SORCS2: variants seen among roughly 807,000 people sequenced by gnomAD.
SORCS2 encodes VPS10 domain-containing receptor SorCS2.
SORCS2 carries 100 observed loss-of-function variants against 141.6 expected under a neutral mutation model. That is an observed-to-expected ratio of 0.71 (90% CI 0.60 to 0.83). SORCS2 has a LOEUF of 0.83. Ranked by LOEUF, SORCS2 falls within the 40% of genes least tolerant of loss-of-function variation. The pLI is 0.00. For missense variants in SORCS2, 1,646 were observed against 1,560.2 expected, an observed-to-expected ratio of 1.05 and a Z score of -0.93; for synonymous variants, 789 against 676.9, an observed-to-expected ratio of 1.17 and a Z score of -2.57.
chr4:7,500,719 G>C (rs559626327), intron 2 of SORCS2, among the ~76,000 whole-genome samples: 25 of 152,258 alleles, frequency 1.6e-4, no homozygotes, highest in African/African-American at 5.3e-4. Flanking sequence ...TACATCGCAC[G>C]TCGTCCAAGA....
chr4:7,329,727 T>C (rs1243282947), intron 1 of SORCS2, among the ~76,000 whole-genome samples: 1 of 152,202 alleles, frequency 6.6e-6, no homozygotes, highest in Non-Finnish European at 1.5e-5. Flanking sequence ...ATGGCTCAAC[T>C]TAACATGTTT....
chr4:7,341,329 C>T, intron 1 of SORCS2, among the ~76,000 whole-genome samples: 1 of 152,182 alleles, frequency 6.6e-6, no homozygotes, highest in East Asian at 1.9e-4. Flanking sequence ...TGTTCAAGGC[C>T]CAGCTCTAAG....
chr4:7,633,019 T>C (rs1488177108), intron 3 of SORCS2, among the ~76,000 whole-genome samples: 1 of 152,140 alleles, frequency 6.6e-6, no homozygotes, highest in Non-Finnish European at 1.5e-5. Context: ...CATGTATAAA[T>C]GAGAAGCATT....
intron 4 of SORCS2, among the ~76,000 whole-genome samples, chr4:7,650,212 C>T (rs1453406678): frequency 6.6e-6 from 1 of 152,192 alleles, no homozygotes; most frequent in East Asian, 1.9e-4. Flanking sequence ...TTGCTGCGAG[C>T]CTCCATCTTC....
intron 2 of SORCS2, among the ~76,000 whole-genome samples, chr4:7,479,281 T>G (rs1205266422): frequency 2.0e-5 from 3 of 151,648 alleles, no homozygotes; most frequent in Non-Finnish European, 4.4e-5. Context: ...TGAGCCTCAA[T>G]GTCTGGGCCT....
Position 7,536,842 on chromosome 4 carries a change from GGGC to G in SORCS2, c.648+5216_648+5218del, listed in dbSNP as rs201222056. Among the ~76,000 whole-genome samples the G allele has an allele frequency of 5.9e-3, 294 of 49,490 alleles. 3 individuals are homozygous for G. Among genetic ancestry groups the G allele is most frequent in the South Asian group, 0.034 (15 of 438 alleles). The allele number at this position is 49,490 out of a possible 152,430, so 32.5% of individuals were successfully genotyped here. On this transcript the variant is annotated intron_variant, in intron 3 of 26. Coordinates refer to ENST00000507866, the MANE Select transcript of SORCS2 (RefSeq NM_020777.3). The stretch of plus-strand genomic sequence containing the variant: ...CCCCATACTCAGATGTGGGGGGGGG[GGGC>G]GGGCAGGGCCCACCTCGAGGTCACC...
chr4:7,294,282 A>G (rs1388013157), intron 1 of SORCS2, among the ~76,000 whole-genome samples: 1 of 152,146 alleles, frequency 6.6e-6, no homozygotes, highest in Non-Finnish European at 1.5e-5. Flanking sequence ...AATAGAGGGT[A>G]AAACTGGGGC....
intron 2 of SORCS2, among the ~76,000 whole-genome samples, chr4:7,410,300 C>A (rs1349587311): frequency 6.6e-6 from 1 of 152,208 alleles, no homozygotes; most frequent in African/African-American, 2.4e-5. Flanking sequence ...ATGCTTTGCC[C>A]TTTGGTCATC....
chr4:7,325,540 C>T (rs1164307607), intron 1 of SORCS2, among the ~76,000 whole-genome samples: 1 of 152,182 alleles, frequency 6.6e-6, no homozygotes, highest in Admixed American at 6.5e-5. Flanking sequence ...TCACTGGGCA[C>T]CCTAAGGGCC....
chr4:7,480,442 G>A (rs1405053359), intron 2 of SORCS2, among the ~76,000 whole-genome samples: 1 of 151,802 alleles, frequency 6.6e-6, no homozygotes, highest in Non-Finnish European at 1.5e-5. Flanking sequence ...AGCCCGGGGG[G>A]TTGGAGGAAC....
At chr4:7,344,075 G>A (rs1350128454) in intron 1 of SORCS2, among the ~76,000 whole-genome samples, 1 of 152,244 alleles carries the variant, frequency 6.6e-6, no homozygotes, top group Admixed American at 6.5e-5. Context: ...TGACACGGGA[G>A]GTATGGGGTG....
intron 14 of SORCS2, among the ~76,000 whole-genome samples, chr4:7,704,868 A>G (rs1201512845): frequency 2.0e-5 from 3 of 152,122 alleles, no homozygotes; most frequent in Admixed American, 6.5e-5. Flanking sequence ...GCCCTCGAAC[A>G]TGGGCCCCTG....
chr4:7,685,053 T>A lies in SORCS2; in HGVS notation c.1488+2164T>A, dbSNP rs538285442. 1.5e-3 allele frequency among the ~76,000 whole-genome samples: 233 copies of A among 152,316 alleles called. 1 individual carries two copies. The highest frequency in any genetic ancestry group is 2.6e-3 in the Non-Finnish European group (180 of 68,030). ...CCTGCTGATAACACCTGTCGACCTG[T>A]GTGGAGAATTAATTACCAGCCCTTT... is the stretch of plus-strand genomic sequence containing the variant. On this transcript the variant is annotated intron_variant, in intron 10 of 26. Coordinates refer to ENST00000507866, the MANE Select transcript of SORCS2 (RefSeq NM_020777.3).
Position 7,733,397 on chromosome 4 carries a change from G to A in SORCS2, c.3184G>A (p.Val1062Met). ...FLLRGGVRVL[V>M]ALRDTGTGAE... Reference sequence around the variant, plus strand: ...CCTGCGAGGCGGAGTCCGGGTCCTGGTGGCCCTGCGGGACACAGGCACAGG... The same window carrying A: ...CCTGCGAGGCGGAGTCCGGGTCCTGATGGCCCTGCGGGACACAGGCACAGG... Residue 1062 changes from valine to methionine, a missense_variant, in exon 24 of 27, where the codon GTG (valine) becomes ATG (methionine). Coordinates refer to ENST00000507866, the MANE Select transcript of SORCS2 (RefSeq NM_020777.3). The A allele has an allele frequency of 6.3e-7, 1 of 1,592,334 alleles. No individual in the cohort carries two copies.
chr4:7,710,340 G>T (rs977589804), intron 14 of SORCS2, among the ~76,000 whole-genome samples: 2 of 152,174 alleles, frequency 1.3e-5, no homozygotes, highest in East Asian at 1.9e-4. Context: ...TGTAAAAGGG[G>T]GCTTGGCAAG....
At chr4:7,472,575 G>C (rs1189393328) in intron 2 of SORCS2, among the ~76,000 whole-genome samples, 2 of 152,146 alleles carry the variant, frequency 1.3e-5, no homozygotes, top group East Asian at 3.9e-4. Context: ...GGCAGGAGTG[G>C]ACAAAGACCC....
chr4:7,224,697 G>A (rs531276986), intron 1 of SORCS2, among the ~76,000 whole-genome samples: 12 of 152,360 alleles, frequency 7.9e-5, no homozygotes, highest in South Asian at 4.1e-4. Context: ...AATACAGTGA[G>A]GCTTGGGTGG....
At chr4:7,242,990 C>T (rs1050188699) in intron 1 of SORCS2, among the ~76,000 whole-genome samples, 1 of 152,180 alleles carries the variant, frequency 6.6e-6, no homozygotes, top group Admixed American at 6.5e-5. Flanking sequence ...GGTGAGTTTC[C>T]AGAGGACGGT....
intron 2 of SORCS2, among the ~76,000 whole-genome samples, chr4:7,472,499 C>A (rs1012393655): frequency 1.3e-5 from 2 of 152,024 alleles, no homozygotes; most frequent in Non-Finnish European, 2.9e-5. Context: ...AAGCGGGGGA[C>A]AAGATCACAA....
Sources: gnomAD v4.1 joint callset for allele counts (sites outside exome capture counted in the v4.1 genomes callset) on GRCh38, gnomAD v4.1.1 for gene constraint, MANE v1.5 for transcripts, NCBI Gene and HGNC (gene_info 2026-07-23, HGNC 2026-07-21) for gene names.